The following DLC1 variants were observed in gnomAD, a reference collection of about 807,000 sequenced individuals.
DLC1 encodes the protein DLC1 Rho GTPase activating protein, also known as rho GTPase-activating protein 7.
Under a neutral mutation model 140.3 loss-of-function variants are expected in DLC1, and 54 were observed. The ratio of observed to expected loss-of-function variants is 0.38; its 90% CI spans 0.31 to 0.48. The LOEUF (loss-of-function observed/expected upper bound fraction) is 0.48. Ranked by LOEUF, DLC1 falls within the 20% of genes least tolerant of loss-of-function variation. The probability of loss-of-function intolerance (pLI) is 0.96; values close to 1 mark genes in which losing one functional copy is unlikely to be tolerated. For synonymous variants in DLC1, 986 were observed against 728.1 expected, an observed-to-expected ratio of 1.35 and a Z score of -5.70; for missense variants, 2,536 against 1,907.0, an observed-to-expected ratio of 1.33 and a Z score of -6.14.
chr8:13,480,975 G>T (rs1800704345), intron 2 of DLC1, among the ~76,000 whole-genome samples: 1 of 152,090 alleles, frequency 6.6e-6, no homozygotes, highest in South Asian at 2.1e-4. Flanking sequence ...ATTGAAAGGG[G>T]TTAGGACCAA....
chr8:13,110,486 G>A (rs557435864), intron 7 of DLC1, among the ~76,000 whole-genome samples: 2 of 152,168 alleles, frequency 1.3e-5, no homozygotes, highest in East Asian at 3.9e-4. Context: ...GTTGTTACTT[G>A]TTACACCAAT....
intron 2 of DLC1, among the ~76,000 whole-genome samples, chr8:13,487,894 A>G (rs1801044200): frequency 6.6e-6 from 1 of 152,210 alleles, no homozygotes; most frequent in Non-Finnish European, 1.5e-5. Context: ...TTTTACACTT[A>G]AAGAAGGCGA....
At chr8:13,118,147 T>C (rs1040273060) in intron 5 of DLC1, among the ~76,000 whole-genome samples, 1 of 151,908 alleles carries the variant, frequency 6.6e-6, no homozygotes, top group African/African-American at 2.4e-5. Flanking sequence ...GTAGCTGAGA[T>C]AGAGGCAGGA....
intron 5 of DLC1, among the ~76,000 whole-genome samples, chr8:13,164,704 T>A (rs778639663): frequency 6.6e-6 from 1 of 152,216 alleles, no homozygotes; most frequent in Non-Finnish European, 1.5e-5. Context: ...AGGAGAAAGC[T>A]CTTTCCTCTG....
intron 2 of DLC1, among the ~76,000 whole-genome samples, chr8:13,416,028 C>G (rs923736215): frequency 6.6e-6 from 1 of 152,100 alleles, no homozygotes; most frequent in Admixed American, 6.5e-5. Context: ...AGGAAAAAAG[C>G]CTTTCAGGAT....
intron 15 of DLC1, 85 bp from the exon 16 acceptor site, chr8:13,088,789 T>A (rs2128927435): frequency 8.8e-7 from 1 of 1,139,086 alleles, no homozygotes; most frequent in East Asian, 2.4e-5. Flanking sequence ...GACTAACAAT[T>A]TTAGTTACAT....
chr8:13,591,835 A>G (rs190057830), intron 1 of DLC1, among the ~76,000 whole-genome samples: 53 of 152,296 alleles, frequency 3.5e-4, no homozygotes, highest in Admixed American at 7.2e-4. Flanking sequence ...AACAAATTGT[A>G]TTGAAATACA....
At chr8:13,126,394 C>A (rs1821571600) in intron 5 of DLC1, among the ~76,000 whole-genome samples, 1 of 152,008 alleles carries the variant, frequency 6.6e-6, no homozygotes, top group Admixed American at 6.6e-5. Flanking sequence ...CACACACACA[C>A]ACACACGTGT....
intron 1 of DLC1, among the ~76,000 whole-genome samples, chr8:13,521,830 A>G (rs1802775987): frequency 6.6e-6 from 1 of 152,154 alleles, no homozygotes; most frequent in Admixed American, 6.6e-5. Flanking sequence ...ACCTCAGTAC[A>G]CATACCAAGT....
chr8:13,315,739 G>A (rs1218876566), intron 4 of DLC1, among the ~76,000 whole-genome samples: 2 of 152,118 alleles, frequency 1.3e-5, no homozygotes, highest in Non-Finnish European at 2.9e-5. Context: ...CATCCTCTGT[G>A]CAGGAATGGT....
intron 1 of DLC1, among the ~76,000 whole-genome samples, chr8:13,576,521 T>C (rs1212426301): frequency 1.3e-5 from 2 of 152,188 alleles, no homozygotes; most frequent in Non-Finnish European, 2.9e-5. Context: ...TCCTGAAAAG[T>C]TGTAAAAGTT....
intron 1 of DLC1, among the ~76,000 whole-genome samples, chr8:13,524,483 T>G (rs2117292147): frequency 6.6e-6 from 1 of 152,278 alleles, no homozygotes; most frequent in African/African-American, 2.4e-5. Flanking sequence ...ATTTTAAAAT[T>G]TGTACCGTAA....
intron 4 of DLC1, among the ~76,000 whole-genome samples, chr8:13,348,589 T>C (rs888095700): frequency 2.0e-5 from 3 of 152,146 alleles, no homozygotes; most frequent in Non-Finnish European, 2.9e-5. Context: ...AGAATATTAA[T>C]AGGAATGGAG....
chr8:13,100,839 G>A (rs535009060), intron 8 of DLC1, 69 bp from the exon 9 acceptor site: 2 of 1,471,242 alleles, frequency 1.4e-6, no homozygotes, highest in African/African-American at 1.4e-5. Context: ...GCATGAGCAG[G>A]AGGCTGCTCA....
At chr8:13,507,947 A>G (rs761051484) in intron 1 of DLC1, among the ~76,000 whole-genome samples, 4 of 152,128 alleles carry the variant, frequency 2.6e-5, no homozygotes, top group Admixed American at 1.3e-4. Context: ...TTGTTAACCC[A>G]TTTTTAGGTA....
rs1167192487 is a variant in DLC1 at position 13,579,262 on chromosome 8, A to ATATATATATATT, written c.-126+25274_-126+25275insAATATATATATA. On this transcript the variant is annotated intron_variant, in intron 1 of 1. Transcript: ENST00000631382. ...ACAGGGAGCATATATATATATATAT[A>ATATATATATATT]TATATATGCACATATCTACCTGGAC... 1.8e-5 allele frequency among the ~76,000 whole-genome samples: 2 copies of ATATATATATATT among 109,998 alleles called. 1 individual carries two copies. Among genetic ancestry groups the ATATATATATATT allele is most frequent in the Non-Finnish European group, 3.6e-5 (2 of 55,294 alleles). The allele number at this position is 109,998 out of a possible 152,430, so 72.2% of individuals were successfully genotyped here.
intron 5 of DLC1, among the ~76,000 whole-genome samples, chr8:13,166,930 A>G (rs1262200866): frequency 6.6e-6 from 1 of 152,118 alleles, no homozygotes; most frequent in African/African-American, 2.4e-5. Flanking sequence ...GGTGGCAGAA[A>G]AAGAAGCTTC....
At chr8:13,174,990 T>C (rs1416854277) in intron 5 of DLC1, among the ~76,000 whole-genome samples, 1 of 151,610 alleles carries the variant, frequency 6.6e-6, no homozygotes, top group Admixed American at 6.6e-5. Flanking sequence ...AGGATTTTTA[T>C]AGTTTAAAGT....
At chr8:13,134,604 A>G (rs1197354400) in intron 5 of DLC1, among the ~76,000 whole-genome samples, 1 of 152,168 alleles carries the variant, frequency 6.6e-6, no homozygotes, top group Non-Finnish European at 1.5e-5. Flanking sequence ...TTGGTTTCAT[A>G]GCGATATCTT....
Sources: gnomAD v4.1 joint callset for allele counts (sites outside exome capture counted in the v4.1 genomes callset) on GRCh38, gnomAD v4.1.1 for gene constraint, MANE v1.5 for transcripts, NCBI Gene and HGNC (gene_info 2026-07-23, HGNC 2026-07-21) for gene names.